SLC67A2: variants seen among roughly 807,000 people sequenced by gnomAD.
SLC67A2 encodes the protein solute carrier family 67 member A2.
chr2:102,721,437 C>A, the SLC67A2 span, among the ~76,000 whole-genome samples: 4 of 152,126 alleles, frequency 2.6e-5, no homozygotes, highest in Non-Finnish European at 5.9e-5. Context: ...GTCTGACATC[C>A]TAACCCAATA....
the SLC67A2 span, chr2:102,727,119 C>G: frequency 3.7e-6 from 3 of 800,216 alleles, no homozygotes; most frequent in African/African-American, 3.6e-5. Flanking sequence ...TGCCATTTGT[C>G]AGAGTAAGTT....
the SLC67A2 span, among the ~76,000 whole-genome samples, chr2:102,719,855 A>T: frequency 1.5e-3 from 225 of 152,200 alleles, 2 homozygotes; most frequent in African/African-American, 5.3e-3. Flanking sequence ...CCTGGGAAGC[A>T]CCTGCTTGGA....
the SLC67A2 span, among the ~76,000 whole-genome samples, chr2:102,725,142 A>C: frequency 6.6e-6 from 1 of 152,090 alleles, no homozygotes; most frequent in Non-Finnish European, 1.5e-5. Flanking sequence ...GAGGCGTCCA[A>C]CTCAGGCACT....
the SLC67A2 span, chr2:102,732,239 T>C: frequency 6.1e-6 from 7 of 1,154,816 alleles, no homozygotes; most frequent in Non-Finnish European, 9.1e-6. Context: ...AATATTTGGA[T>C]ACAAAATTGA....
chr2:102,730,606 G>A, the SLC67A2 span, among the ~76,000 whole-genome samples: 3 of 149,780 alleles, frequency 2.0e-5, no homozygotes, highest in South Asian at 2.1e-4. Flanking sequence ...GCAGTGGTGC[G>A]ATCTCGGCTC....
the SLC67A2 span, chr2:102,736,633 C>T: frequency 1.2e-6 from 2 of 1,613,918 alleles, no homozygotes; most frequent in Non-Finnish European, 1.7e-6. Flanking sequence ...CCAGCCCCCA[C>T]GCTCGCACTC....
the SLC67A2 span, among the ~76,000 whole-genome samples, chr2:102,724,085 T>C: frequency 6.6e-6 from 1 of 152,178 alleles, no homozygotes. Flanking sequence ...TTTGAACTTC[T>C]GAGGTCTGCC....
At chr2:102,730,946 A>T in the SLC67A2 span, 1 of 1,246,090 alleles carries the variant, frequency 8.0e-7, no homozygotes, top group East Asian at 2.3e-5. Flanking sequence ...TCTCATCCCA[A>T]ATCTATCACT....
At chr2:102,736,572 G>T in the SLC67A2 span, 1 of 1,612,336 alleles carries the variant, frequency 6.2e-7, no homozygotes, top group Non-Finnish European at 8.5e-7. Flanking sequence ...CTCCCCGGAA[G>T]CTCCAAGAAC....
chr2:102,727,921 T>A, the SLC67A2 span, among the ~76,000 whole-genome samples: 3 of 152,180 alleles, frequency 2.0e-5, no homozygotes, highest in Non-Finnish European at 1.5e-5. Flanking sequence ...TTAAAATTTG[T>A]GTACTATTTG....
chr2:102,731,087 T>C, the SLC67A2 span: 1 of 1,610,858 alleles, frequency 6.2e-7, no homozygotes, highest in Non-Finnish European at 8.5e-7. Flanking sequence ...AACAAATCAA[T>C]AACAATAAAA....
the SLC67A2 span, among the ~76,000 whole-genome samples, chr2:102,725,328 C>G: frequency 6.6e-6 from 1 of 152,174 alleles, no homozygotes; most frequent in Non-Finnish European, 1.5e-5. Flanking sequence ...ATATATAGCT[C>G]TCATTTGTGA....
chr2:102,731,410 CAG>C, the SLC67A2 span, among the ~76,000 whole-genome samples: 1 of 152,052 alleles, frequency 6.6e-6, no homozygotes, highest in African/African-American at 2.4e-5. Flanking sequence ...AGAGAGTACT[CAG>C]GGGAATAGAA....
At chr2:102,719,977 C>T in the SLC67A2 span, among the ~76,000 whole-genome samples, 3 of 152,192 alleles carry the variant, frequency 2.0e-5, no homozygotes, top group Non-Finnish European at 4.4e-5. Context: ...TGGCTCTAAC[C>T]GCCACTCAGA....
the SLC67A2 span, among the ~76,000 whole-genome samples, chr2:102,714,732 T>C: frequency 6.6e-6 from 1 of 152,228 alleles, no homozygotes; most frequent in Non-Finnish European, 1.5e-5. Context: ...TCCATCAACC[T>C]GTTCCAAGAA....
the SLC67A2 span, among the ~76,000 whole-genome samples, chr2:102,736,378 G>T: frequency 6.6e-6 from 1 of 152,122 alleles, no homozygotes; most frequent in Non-Finnish European, 1.5e-5. Context: ...CCTGAGGTTG[G>T]TACCAGGGCT....
chr2:102,729,349 G>T, the SLC67A2 span, among the ~76,000 whole-genome samples: 2 of 152,186 alleles, frequency 1.3e-5, no homozygotes, highest in Admixed American at 1.3e-4. Flanking sequence ...AAAAAATTAA[G>T]CAAGTAAGCC....
At chr2:102,723,611 TA>T in the SLC67A2 span, 1 of 1,325,176 alleles carries the variant, frequency 7.5e-7, no homozygotes. Context: ...TCTATTCTGA[TA>T]AAAACGAATT....
At chr2:102,726,743 A>T in the SLC67A2 span, 1 of 1,475,548 alleles carries the variant, frequency 6.8e-7, no homozygotes, top group African/African-American at 1.4e-5. Flanking sequence ...AAGGATGTTG[A>T]GCAAGACCAC....
Sources: allele counts gnomAD v4.1 joint callset (sites outside exome capture counted in the v4.1 genomes callset), GRCh38; gene constraint gnomAD v4.1.1; transcripts MANE v1.5; gene names NCBI Gene and HGNC (gene_info 2026-07-23, HGNC 2026-07-21).